Variants in SLC35D2 observed in about 807,000 individuals in gnomAD.
SLC35D2 encodes the protein solute carrier family 35 member D2.
In SLC35D2, 43 loss-of-function variants were observed where a neutral mutation model predicts 41.8. The observed-to-expected ratio is 1.03, with a 90% confidence interval of 0.81 to 1.33. The LOEUF is 1.33. SLC35D2 is among the 40% of genes most tolerant of loss of function. The pLI is 0.00. For missense variants in SLC35D2, 380 were observed against 408.4 expected, an observed-to-expected ratio of 0.93 and a Z score of 0.60; for synonymous variants, 150 against 163.9, an observed-to-expected ratio of 0.92 and a Z score of 0.65.
intron 9 of SLC35D2, among the ~76,000 whole-genome samples, chr9:96,333,695 C>T (rs765846661): frequency 6.6e-5 from 10 of 152,110 alleles, no homozygotes; most frequent in Non-Finnish European, 1.3e-4. Context: ...CGAGGCTGCC[C>T]GCCCTCACCC....
chr9:96,373,869 T>C lies in SLC35D2; in HGVS notation c.159-5564A>G, dbSNP rs528621820. On this transcript the variant is annotated intron_variant, in intron 1 of 11. Transcript: ENST00000253270. ...GACCAGATGATTATAGATTTGGTAG[T>C]AGATTATTTTAGGAAGTTGTTGTTA... is the stretch of plus-strand genomic sequence containing the variant. 7 of 152,264 alleles carry C rather than the reference T, an allele frequency of 4.6e-5. No individual in the cohort carries two copies. In the East Asian group the frequency reaches 1.4e-3, roughly 29 times the overall value. The allele number at this position is 152,264 out of a possible 1,614,324, so 9.4% of individuals were successfully genotyped here.
At chr9:96,358,608 C>G (rs891266636) in intron 4 of SLC35D2, among the ~76,000 whole-genome samples, 1 of 152,126 alleles carries the variant, frequency 6.6e-6, no homozygotes, top group Non-Finnish European at 1.5e-5. Context: ...TTGAAGGTGT[C>G]AGGACACTAA....
chr9:96,342,649 G>A (rs1829385992), intron 8 of SLC35D2, among the ~76,000 whole-genome samples: 1 of 152,204 alleles, frequency 6.6e-6, no homozygotes, highest in African/African-American at 2.4e-5. Context: ...TCTTTATCGA[G>A]ATTGGTGCCA....
rs778723758 is a variant in SLC35D2, at chr9:96,351,257, T to C, written c.420-86A>G. 28 of 955,502 alleles carry C rather than the reference T, an allele frequency of 2.9e-5. 1 individual carries two copies. The highest frequency in any genetic ancestry group is 1.6e-4 in the South Asian group (11 of 69,798). The allele number at this position is 955,502 out of a possible 1,614,324, so 59.2% of individuals were successfully genotyped here. On this transcript the variant is annotated intron_variant, in intron 5 of 11. Coordinates refer to ENST00000253270, the MANE Select transcript of SLC35D2 (RefSeq NM_007001.3). ...TTATATTTTTTAAACAAATTGAAAA[T>C]AGACATCAGCATTTTTATAGCTAAA...
At chr9:96,344,564 G>GAA (rs760661695) in intron 7 of SLC35D2, among the ~76,000 whole-genome samples, 1 of 24,578 alleles carries the variant, frequency 4.1e-5, no homozygotes, top group Non-Finnish European at 7.7e-5. Flanking sequence ...AAACAGAGCA[G>GAA]ATAAAAAAAA....
rs539642684 is a variant in SLC35D2 at position 96,359,385 on chromosome 9, C to A, written c.347+769G>T. Among the ~76,000 whole-genome samples the A allele has an allele frequency of 4.2e-4, 64 of 151,480 alleles. 1 individual carries two copies. Among genetic ancestry groups the A allele is most frequent in the African/African-American group, 1.5e-3 (61 of 41,364 alleles). On this transcript the variant is annotated intron_variant, in intron 4 of 11. Transcript: ENST00000253270. ...AAGAAGGATAAGGTATTATGTGCCC[C>A]ATAATCAAAAGACCCTGAAATGGGC...
chr9:96,376,722 G>A (rs1318136682), intron 1 of SLC35D2, among the ~76,000 whole-genome samples: 2 of 151,426 alleles, frequency 1.3e-5, no homozygotes, highest in Non-Finnish European at 2.9e-5. Context: ...GCAGTGAGCC[G>A]AGATCACACC....
At chr9:96,380,601 G>A (rs1385930340) in intron 1 of SLC35D2, among the ~76,000 whole-genome samples, 2 of 151,842 alleles carry the variant, frequency 1.3e-5, no homozygotes, top group Admixed American at 1.3e-4. Context: ...GGGATTATAG[G>A]CGTGCACCAC....
chr9:96,350,507 T>C (rs1157372346), intron 6 of SLC35D2, among the ~76,000 whole-genome samples: 1 of 152,004 alleles, frequency 6.6e-6, no homozygotes, highest in Non-Finnish European at 1.5e-5. Flanking sequence ...AGCTAAGTTT[T>C]GAACCCAGGG....
intron 4 of SLC35D2, among the ~76,000 whole-genome samples, chr9:96,355,158 T>C (rs1303150890): frequency 3.3e-5 from 5 of 151,550 alleles, no homozygotes; most frequent in Non-Finnish European, 7.4e-5. Context: ...AGCTGGGATT[T>C]AGGTGTGCAC....
chr9:96,380,748 C>G (rs974789634), intron 1 of SLC35D2, among the ~76,000 whole-genome samples: 1 of 151,598 alleles, frequency 6.6e-6, no homozygotes, highest in African/African-American at 2.4e-5. Context: ...GCTGGGATTA[C>G]AGGTGTGAGC....
At chr9:96,360,027 C>A in intron 4 of SLC35D2, 127 bp downstream of exon 4, 1 of 548,074 alleles carries the variant, frequency 1.8e-6, no homozygotes, top group Non-Finnish European at 3.2e-6. Context: ...CTTTCTTAAA[C>A]TACTAAATAT....
chr9:96,317,803 C>T (rs1413943271), downstream of SLC35D2, among the ~76,000 whole-genome samples: 1 of 150,754 alleles, frequency 6.6e-6, no homozygotes, highest in Non-Finnish European at 1.5e-5. Context: ...GAGGGTGGAT[C>T]ACCTGAGGCC....
chr9:96,365,926 TTATAA>T (rs10536172), intron 2 of SLC35D2, among the ~76,000 whole-genome samples: 8,569 of 152,250 alleles, frequency 0.056, 418 homozygotes, highest in South Asian at 0.26. Context: ...AACTTAAAAC[TTATAA>T]TATATTTATG....
chr9:96,383,609 G>T lies in SLC35D2; in HGVS notation c.26C>A (p.Ala9Asp). The T allele has an allele frequency of 8.2e-7, 1 of 1,212,702 alleles. No homozygotes were observed. Among genetic ancestry groups the T allele is most frequent in the South Asian group, 3.7e-5 (1 of 27,306 alleles). 75.1% of individuals were successfully genotyped at this position (1,212,702 alleles called of 1,614,324 possible). The change falls in exon 1 of 12, where the codon GCC (alanine) becomes GAC (aspartate). Residue 9 changes from alanine to aspartate, a missense_variant. By Grantham distance (126) the Ala-to-Asp change is moderately radical (BLOSUM62 -2). Coordinates refer to ENST00000253270, the MANE Select transcript of SLC35D2 (RefSeq NM_007001.3). Reference protein sequence around the residue: MTAGGQAEAEGAGGEPGAA... With the variant: MTAGGQAEDEGAGGEPGAA... ...GCCGGGCTCCCCGCCAGCGCCCTCG[G>T]CCTCGGCCTGGCCGCCGGCCGTCAT...
At chr9:96,351,300 T>C in intron 5 of SLC35D2, 129 bp from the exon 6 acceptor site, 2 of 659,154 alleles carry the variant, frequency 3.0e-6, no homozygotes, top group South Asian at 1.8e-5. Context: ...AGACAATGCT[T>C]GATGCAGAGA....
intron 4 of SLC35D2, among the ~76,000 whole-genome samples, chr9:96,359,145 A>G (rs1384465616): frequency 6.6e-6 from 1 of 152,054 alleles, no homozygotes; most frequent in Non-Finnish European, 1.5e-5. Context: ...CCTACTAAAA[A>G]TACAAAAAAT....
chr9:96,361,932 C>T (rs1022792216), intron 3 of SLC35D2, among the ~76,000 whole-genome samples: 2 of 152,118 alleles, frequency 1.3e-5, no homozygotes, highest in Admixed American at 6.6e-5. Flanking sequence ...TATTTTGTTA[C>T]GGCAGCCTCA....
chr9:96,350,347 CTTTT>C (rs57531044), intron 6 of SLC35D2, among the ~76,000 whole-genome samples: 26 of 91,006 alleles, frequency 2.9e-4, no homozygotes, highest in East Asian at 1.3e-3. Flanking sequence ...ATTTTCTTTC[CTTTT>C]TTTTTTTTTT....
Sources: gnomAD v4.1 joint callset for allele counts (sites outside exome capture counted in the v4.1 genomes callset) on GRCh38, gnomAD v4.1.1 for gene constraint, MANE v1.5 for transcripts, NCBI Gene and HGNC (gene_info 2026-07-23, HGNC 2026-07-21) for gene names.